Variants in ZMIZ1 observed in about 807,000 individuals in gnomAD.
ZMIZ1 encodes the protein zinc finger MIZ domain-containing protein 1.
Under a neutral mutation model 113.9 loss-of-function variants are expected in ZMIZ1, and 17 were observed. The observed-to-expected ratio is 0.15, with a 90% confidence interval of 0.10 to 0.22. The LOEUF is 0.22. Ranked by LOEUF, ZMIZ1 falls within the 10% of genes least tolerant of loss-of-function variation. The pLI is 1.00. For missense variants in ZMIZ1, 1,059 were observed against 1,477.8 expected (o/e 0.72, Z 4.65); for synonymous variants, 607 against 603.1 (o/e 1.01, Z -0.09).
chr10:79,138,622 C>A (rs1845122458), intron 2 of ZMIZ1, among the ~76,000 whole-genome samples: 1 of 152,216 alleles, frequency 6.6e-6, no homozygotes, highest in Admixed American at 6.5e-5. Flanking sequence ...TGGCCTGATA[C>A]AATGACCAGT....
chr10:79,181,428 G>A (rs1190242904), intron 4 of ZMIZ1, among the ~76,000 whole-genome samples: 1 of 152,210 alleles, frequency 6.6e-6, no homozygotes, highest in Non-Finnish European at 1.5e-5. Flanking sequence ...TTCTGAGGGG[G>A]AGACAGCAGA....
intron 1 of ZMIZ1, among the ~76,000 whole-genome samples, chr10:79,117,741 G>A (rs1280949916): frequency 1.3e-5 from 2 of 152,136 alleles, no homozygotes; most frequent in East Asian, 3.9e-4. Flanking sequence ...CCAGCAGAAG[G>A]GGGACTTTAC....
intron 7 of ZMIZ1, among the ~76,000 whole-genome samples, chr10:79,225,331 C>T (rs954426558): frequency 1.3e-5 from 2 of 152,178 alleles, no homozygotes; most frequent in African/African-American, 4.8e-5. Context: ...TTACCACATT[C>T]AGAAACTGCC....
intron 1 of ZMIZ1, among the ~76,000 whole-genome samples, chr10:79,073,605 A>C (rs1842369901): frequency 6.6e-6 from 1 of 152,056 alleles, no homozygotes; most frequent in South Asian, 2.1e-4. Context: ...TTCCTGAATG[A>C]TCCTGGGTTC....
At chr10:79,305,646 G>A (rs766260035) in intron 21 of ZMIZ1, 45 bp downstream of exon 21, 25 of 1,596,220 alleles carry the variant, frequency 1.6e-5, no homozygotes, top group Non-Finnish European at 2.1e-5. Flanking sequence ...AGGGGACGAG[G>A]CCTGGATTAG....
chr10:79,284,971 T>C (rs1172699914), intron 8 of ZMIZ1, among the ~76,000 whole-genome samples: 1 of 152,218 alleles, frequency 6.6e-6, no homozygotes, highest in Non-Finnish European at 1.5e-5. Flanking sequence ...ATTTCCCCTG[T>C]CCCTTCGTGC....
At chr10:79,168,169 G>A (rs576347507) in intron 4 of ZMIZ1, among the ~76,000 whole-genome samples, 24 of 152,282 alleles carry the variant, frequency 1.6e-4, no homozygotes, top group Admixed American at 8.5e-4. Flanking sequence ...TCTACCTCTT[G>A]TTTGCCTCTG....
At chr10:79,198,800 G>A (rs1008430629) in intron 4 of ZMIZ1, among the ~76,000 whole-genome samples, 17 of 152,296 alleles carry the variant, frequency 1.1e-4, no homozygotes, top group South Asian at 2.1e-4. Context: ...TTGGGGGGCC[G>A]AGGTGGGCAG....
chr10:79,260,063 C>A (rs1399958271), intron 7 of ZMIZ1, among the ~76,000 whole-genome samples: 1 of 152,218 alleles, frequency 6.6e-6, no homozygotes, highest in Non-Finnish European at 1.5e-5. Context: ...CCAGACTAGG[C>A]TGTGTCCTAG....
At chr10:79,071,816 T>A (rs763259632) in intron 1 of ZMIZ1, among the ~76,000 whole-genome samples, 103 of 152,280 alleles carry the variant, frequency 6.8e-4, no homozygotes, top group Admixed American at 4.2e-3. Flanking sequence ...GAGATGGTGT[T>A]TTCTTCTGAG....
intron 4 of ZMIZ1, among the ~76,000 whole-genome samples, chr10:79,195,381 G>T (rs1847790557): frequency 6.6e-6 from 1 of 152,218 alleles, no homozygotes; most frequent in Non-Finnish European, 1.5e-5. Context: ...TCCTGAGCCG[G>T]GATGGGGGTA....
chr10:79,093,135 A>AC (rs1843037700), intron 1 of ZMIZ1, among the ~76,000 whole-genome samples: 4 of 107,954 alleles, frequency 3.7e-5, no homozygotes, highest in African/African-American at 1.0e-4. Flanking sequence ...CCCCACCCCC[A>AC]ACACACACAC....
At chr10:79,187,656 T>C (rs1289531838) in intron 4 of ZMIZ1, among the ~76,000 whole-genome samples, 4 of 152,078 alleles carry the variant, frequency 2.6e-5, no homozygotes, top group Non-Finnish European at 5.9e-5. Flanking sequence ...CACAGAGAGG[T>C]GAGCCATGTG....
intron 4 of ZMIZ1, among the ~76,000 whole-genome samples, chr10:79,180,857 C>T (rs1401914409): frequency 1.3e-5 from 2 of 152,250 alleles, no homozygotes; most frequent in Admixed American, 6.5e-5. Context: ...GCCCGGTCTT[C>T]GGGGCCAGCA....
intron 23 of ZMIZ1, among the ~76,000 whole-genome samples, 197 bp from the exon 24 acceptor site, chr10:79,310,727 G>A (rs908045579): frequency 7.2e-4 from 109 of 152,284 alleles, no homozygotes; most frequent in African/African-American, 2.5e-3. Context: ...TCCCCCTGCA[G>A]CCTCCCTGAT....
rs575289668 is a variant in ZMIZ1, at chr10:79,293,566, C to T, written c.1143C>T (p.His381=). ...CCGGCATCAGCCCCTTTGGCACACA[C>T]GGGCAGCGGATGCCCCAGCAGACCT... ...RPPGISPFGT[H]GQRMPQQTYP... The change falls in exon 12 of 25, where the codon CAC becomes CAT. Residue 381 remains histidine (H), a synonymous_variant. Transcript: ENST00000334512. The T allele has an allele frequency of 5.6e-6, 9 of 1,612,986 alleles. No individual in the cohort carries two copies. The highest frequency in any genetic ancestry group is 4.5e-5 in the East Asian group (2 of 44,872).
At chr10:79,071,810 TG>T (rs1439750220) in intron 1 of ZMIZ1, among the ~76,000 whole-genome samples, 1 of 152,022 alleles carries the variant, frequency 6.6e-6, no homozygotes, top group Non-Finnish European at 1.5e-5. Context: ...TGGAGGGAGA[TG>T]GTGTTTTCTT....
chr10:79,282,887 G>A (rs886072136), intron 8 of ZMIZ1, among the ~76,000 whole-genome samples: 1 of 152,226 alleles, frequency 6.6e-6, no homozygotes, highest in Admixed American at 6.5e-5. Flanking sequence ...AGAGAAGGTG[G>A]CCAGAGAGGC....
chr10:79,246,645 G>C (rs778460206), intron 7 of ZMIZ1, among the ~76,000 whole-genome samples: 27 of 152,290 alleles, frequency 1.8e-4, no homozygotes, highest in Non-Finnish European at 2.1e-4. Flanking sequence ...GCCACACCGT[G>C]TCACAGAGCA....
Sources: allele counts gnomAD v4.1 joint callset (sites outside exome capture counted in the v4.1 genomes callset), GRCh38; gene constraint gnomAD v4.1.1; transcripts MANE v1.5; gene names NCBI Gene and HGNC (gene_info 2026-07-23, HGNC 2026-07-21).